Variants in UGP2 observed in about 807,000 individuals in gnomAD.
The protein encoded by UGP2 is UDP-glucose pyrophosphorylase 2, also known as UTP--glucose-1-phosphate uridylyltransferase.
In UGP2, 40 loss-of-function variants were observed where a neutral mutation model predicts 49.0. The ratio of observed to expected loss-of-function variants is 0.82; its 90% CI spans 0.63 to 1.06. The LOEUF is 1.06. Ranked by LOEUF, UGP2 falls within the 50% of genes least tolerant of loss-of-function variation. The pLI is 0.00. For synonymous variants in UGP2, 225 were observed against 213.0 expected (o/e 1.06, Z -0.49); for missense variants, 460 against 603.5 (o/e 0.76, Z 2.49).
intron 3 of UGP2, among the ~76,000 whole-genome samples, chr2:63,875,078 G>C (rs1670827206): frequency 6.6e-6 from 1 of 152,174 alleles, no homozygotes; most frequent in Non-Finnish European, 1.5e-5. Context: ...TCTTTCAAAT[G>C]ATCCAGATTT....
At chr2:63,883,266 A>G (rs749526649) in intron 4 of UGP2, 1 of 152,022 alleles carries the variant, frequency 6.6e-6, no homozygotes, top group Non-Finnish European at 1.5e-5. Context: ...CCTCTCAACA[A>G]CTCTGTGAGG....
At chr2:63,890,276 CT>C (rs1225525185) in intron 9 of UGP2, 91 bp downstream of exon 9, 4 of 930,190 alleles carry the variant, frequency 4.3e-6, no homozygotes, top group Non-Finnish European at 6.4e-6. Context: ...TTAAGGAATA[CT>C]TGTTAGTCTT....
chr2:63,873,141 C>T (rs902132815), intron 3 of UGP2, among the ~76,000 whole-genome samples: 4 of 152,334 alleles, frequency 2.6e-5, no homozygotes, highest in Admixed American at 2.6e-4. Context: ...GTAGCACAGG[C>T]TGCATACAAC....
chr2:63,845,680 G>A (rs1247975142), intron 1 of UGP2, among the ~76,000 whole-genome samples: 2 of 152,132 alleles, frequency 1.3e-5, no homozygotes, highest in Non-Finnish European at 2.9e-5. Flanking sequence ...TATGTATGAT[G>A]TACTGTATTA....
At chr2:63,887,963 A>G (rs957918487) in intron 8 of UGP2, 12 of 281,356 alleles carry the variant, frequency 4.3e-5, no homozygotes, top group African/African-American at 1.7e-4. Context: ...TTGAATGCCT[A>G]TCATGTACTG....
intron 7 of UGP2, 103 bp from the exon 8 acceptor site, chr2:63,887,299 G>T: frequency 2.8e-6 from 4 of 1,454,496 alleles, no homozygotes; most frequent in South Asian, 1.4e-5. Context: ...TTCCATCAAT[G>T]GATCTCTGAA....
intron 1 of UGP2, chr2:63,854,903 C>T (rs1309871210): frequency 6.6e-6 from 1 of 152,242 alleles, no homozygotes; most frequent in Non-Finnish European, 1.5e-5. Context: ...GAAACTTAGA[C>T]CTGTGTTGAC....
chr2:63,848,590 C>T (rs1443919844), intron 1 of UGP2, among the ~76,000 whole-genome samples: 4 of 152,192 alleles, frequency 2.6e-5, no homozygotes, highest in African/African-American at 9.7e-5. Flanking sequence ...TCTTGAACTC[C>T]TGACCATGTG....
intron 1 of UGP2, among the ~76,000 whole-genome samples, chr2:63,850,669 A>C (rs1668988353): frequency 6.6e-6 from 1 of 152,188 alleles, no homozygotes; most frequent in Non-Finnish European, 1.5e-5. Flanking sequence ...AACTTCTTTG[A>C]CCATATCCCT....
intron 1 of UGP2, chr2:63,842,458 C>A (rs772000336): frequency 1.3e-6 from 2 of 1,544,562 alleles, no homozygotes; most frequent in South Asian, 1.2e-5. Flanking sequence ...CCGTCGCTTT[C>A]CTGGATAGTG....
chr2:63,885,043 TTATTTTC>T (rs983831157), intron 5 of UGP2, among the ~76,000 whole-genome samples: 1 of 135,964 alleles, frequency 7.4e-6, no homozygotes, highest in African/African-American at 2.6e-5. Context: ...TGTTTTGCCT[TTATTTTC>T]TAGTCTTTAG....
At position 63,875,141 on chromosome 2, in the gene UGP2, C is replaced by T. The variant is rs188683389; in HGVS notation, c.256-7325C>T. ...AGACAATACATGAAAGTGACTAGCACAGAATTTGGCACACAAACCCTGTGC... is the reference window on the plus strand; with the variant it reads ...AGACAATACATGAAAGTGACTAGCATAGAATTTGGCACACAAACCCTGTGC... On this transcript the variant is annotated intron_variant, in intron 3 of 9. Coordinates refer to ENST00000337130, the MANE Select transcript of UGP2 (RefSeq NM_006759.4). 1.1e-3 allele frequency among the ~76,000 whole-genome samples: 163 copies of T among 152,184 alleles called. 1 individual carries two copies. The highest frequency in any genetic ancestry group is 1.9e-3 in the Non-Finnish European group (127 of 68,028).
intron 3 of UGP2, among the ~76,000 whole-genome samples, chr2:63,859,564 C>T (rs981884678): frequency 5.3e-5 from 8 of 152,020 alleles, no homozygotes; most frequent in African/African-American, 1.9e-4. Context: ...TTTTTCGGTT[C>T]AGTACTACCC....
chr2:63,887,139 C>T (rs993488286), intron 7 of UGP2, among the ~76,000 whole-genome samples: 2 of 151,950 alleles, frequency 1.3e-5, no homozygotes, highest in African/African-American at 4.8e-5. Flanking sequence ...TGGCACATGC[C>T]TATAATTCCA....
intron 1 of UGP2, among the ~76,000 whole-genome samples, chr2:63,849,725 A>T (rs935787811): frequency 3.3e-5 from 5 of 152,144 alleles, no homozygotes; most frequent in Non-Finnish European, 5.9e-5. Flanking sequence ...GAAAGGAGAG[A>T]CCTTGCTCCA....
Position 63,887,396 on chromosome 2 carries a change from T to G in UGP2, c.1072-6T>G, listed in dbSNP as rs1193902049. ...TTTTCTATTCCCCACCCCTAATTTC[T>G]TACAGACTTTGGATGGAGGCCTGAA... On this transcript the variant is annotated splice_polypyrimidine_tract_variant and splice_region_variant and intron_variant, in intron 7 of 9. Transcript: ENST00000337130. 2 of 1,613,838 alleles carry G rather than the reference T, an allele frequency of 1.2e-6. No homozygotes were observed. Among genetic ancestry groups the G allele is most frequent in the Non-Finnish European group, 1.7e-6 (2 of 1,179,932 alleles).
chr2:63,885,558 A>C, intron 5 of UGP2, 31 bp from the exon 6 acceptor site: 1 of 1,500,720 alleles, frequency 6.7e-7, no homozygotes, highest in South Asian at 1.4e-5. Flanking sequence ...TACAGGGTCA[A>C]TATTGAAAAA....
At chr2:63,889,302 T>C (rs1393800634) in intron 8 of UGP2, 1 of 151,808 alleles carries the variant, frequency 6.6e-6, no homozygotes, top group African/African-American at 2.4e-5. Flanking sequence ...GAGTTTTTGT[T>C]TTTTTTTAAT....
At chr2:63,886,575 C>T (rs1392364239) in intron 7 of UGP2, 37 bp downstream of exon 7, 5 of 1,609,748 alleles carry the variant, frequency 3.1e-6, no homozygotes, top group Non-Finnish European at 4.2e-6. Flanking sequence ...CTTCCTGGTT[C>T]CTAAGGTCAT....
Sources: gnomAD v4.1 joint callset for allele counts (sites outside exome capture counted in the v4.1 genomes callset) on GRCh38, gnomAD v4.1.1 for gene constraint, MANE v1.5 for transcripts, NCBI Gene and HGNC (gene_info 2026-07-23, HGNC 2026-07-21) for gene names.